Variants in DAB1 observed in about 807,000 individuals in gnomAD.
The protein encoded by DAB1 is disabled homolog 1.
In DAB1, 15 loss-of-function variants were observed where a neutral mutation model predicts 64.6. The observed-to-expected ratio is 0.23, with a 90% confidence interval of 0.16 to 0.36. DAB1 has a LOEUF of 0.36. Ranked by LOEUF, DAB1 falls within the 10% of genes least tolerant of loss-of-function variation. The pLI is 1.00. For missense variants in DAB1, 596 were observed against 706.7 expected (o/e 0.84, Z 1.78); for synonymous variants, 235 against 251.9 (o/e 0.93, Z 0.64).
chr1:57,946,502 G>A (rs1215320461), intron 5 of DAB1, among the ~76,000 whole-genome samples: 1 of 152,230 alleles, frequency 6.6e-6, no homozygotes, highest in African/African-American at 2.4e-5. Flanking sequence ...CTGTGTGTTA[G>A]GGAGTTGACA....
intron 7 of DAB1, chr1:57,605,771 T>C: frequency 2.8e-6 from 1 of 359,160 alleles, no homozygotes; most frequent in Non-Finnish European, 5.3e-6. Flanking sequence ...ATTGATGGCC[T>C]TGGGTACCAT....
intron 6 of DAB1, among the ~76,000 whole-genome samples, chr1:57,666,779 G>C (rs1646452589): frequency 6.7e-6 from 1 of 150,056 alleles, no homozygotes; most frequent in African/African-American, 2.5e-5. Flanking sequence ...GTGCTTAGCA[G>C]TTTCCTGCAA....
chr1:57,375,509 T>C (rs1680823117), intron 1 of DAB1, among the ~76,000 whole-genome samples: 1 of 152,180 alleles, frequency 6.6e-6, no homozygotes, highest in Non-Finnish European at 1.5e-5. Flanking sequence ...TTTACGTAGA[T>C]TAAAGTAAAT....
At chr1:58,288,698 C>T (rs1661748659) in intron 4 of DAB1, among the ~76,000 whole-genome samples, 1 of 152,096 alleles carries the variant, frequency 6.6e-6, no homozygotes, top group African/African-American at 2.4e-5. Flanking sequence ...TTCATAAGCC[C>T]CTCCTTTGAC....
chr1:57,744,550 T>G (rs1648170947), intron 6 of DAB1, among the ~76,000 whole-genome samples: 1 of 152,070 alleles, frequency 6.6e-6, no homozygotes, highest in Non-Finnish European at 1.5e-5. Context: ...TACTTGTAAT[T>G]TAAGGATCAG....
At chr1:58,529,552 T>C (rs912929260) in intron 1 of DAB1, among the ~76,000 whole-genome samples, 21 of 152,168 alleles carry the variant, frequency 1.4e-4, no homozygotes, top group Non-Finnish European at 2.5e-4. Flanking sequence ...TTCAAAGCAA[T>C]GATATTTTAA....
At position 57,449,268 on chromosome 1, in the gene DAB1, T is replaced by C. The variant is rs146838505; in HGVS notation, n.626-158102A>G. On this transcript the variant is annotated intron_variant and non_coding_transcript_variant, in intron 7 of 20. Coordinates refer to the DAB1 transcript ENST00000485760. ...ATTATAAAAACATGCAAATATGACA[T>C]TGAAATAGTGACAAAAAACAAAGAA... Among the ~76,000 whole-genome samples the C allele has an allele frequency of 2.6e-5, 4 of 152,222 alleles. No individual in the cohort carries two copies. The East Asian group carries it at 7.7e-4, about 29-fold the overall frequency.
intron 2 of DAB1, among the ~76,000 whole-genome samples, chr1:57,213,678 G>A (rs1420895524): frequency 6.6e-6 from 1 of 152,172 alleles, no homozygotes. Context: ...GCACAACAAA[G>A]TTTGGGTAGC....
intron 3 of DAB1, among the ~76,000 whole-genome samples, chr1:57,140,893 G>C (rs1658530266): frequency 6.6e-6 from 1 of 152,188 alleles, no homozygotes; most frequent in Non-Finnish European, 1.5e-5. Context: ...GTCACAGGCT[G>C]CCCTGTTCAG....
At chr1:58,227,297 C>T (rs1570511199) in intron 4 of DAB1, among the ~76,000 whole-genome samples, 1 of 152,098 alleles carries the variant, frequency 6.6e-6, no homozygotes, top group Non-Finnish European at 1.5e-5. Flanking sequence ...GGAGAGGTTG[C>T]AAAATGCTGG....
chr1:57,234,626 A>T (rs555044092), intron 2 of DAB1, among the ~76,000 whole-genome samples: 11 of 152,288 alleles, frequency 7.2e-5, no homozygotes, highest in Admixed American at 1.3e-4. Context: ...ACACCCATTT[A>T]TTGTTTCATA....
At chr1:57,280,320 C>T (rs868000732) in intron 2 of DAB1, among the ~76,000 whole-genome samples, 2 of 152,162 alleles carry the variant, frequency 1.3e-5, no homozygotes, top group Non-Finnish European at 2.9e-5. Flanking sequence ...TGCAGAAACA[C>T]TCAGCCTTGC....
chr1:58,489,316 G>T (rs1405773833), intron 3 of DAB1, among the ~76,000 whole-genome samples: 1 of 152,196 alleles, frequency 6.6e-6, no homozygotes, highest in Non-Finnish European at 1.5e-5. Context: ...GGCTCAAAGG[G>T]TCCTACGCCC....
intron 1 of DAB1, among the ~76,000 whole-genome samples, chr1:57,837,823 C>T (rs1220248217): frequency 1.4e-5 from 2 of 138,232 alleles, no homozygotes; most frequent in South Asian, 2.6e-4. Context: ...TCCACCACTA[C>T]CTCCGCCCCC....
intron 4 of DAB1, among the ~76,000 whole-genome samples, chr1:58,280,466 G>C (rs2100438720): frequency 6.6e-6 from 1 of 152,284 alleles, no homozygotes; most frequent in Non-Finnish European, 1.5e-5. Context: ...GAGTTTCTTT[G>C]TGTGTAAAAT....
At chr1:57,993,696 TC>T (rs1557600858) in intron 5 of DAB1, among the ~76,000 whole-genome samples, 1 of 151,642 alleles carries the variant, frequency 6.6e-6, no homozygotes, top group African/African-American at 2.4e-5. Flanking sequence ...GTAGGGGGAG[TC>T]CACAAGTCTT....
At chr1:58,242,055 A>AT (rs1660320362) in intron 4 of DAB1, among the ~76,000 whole-genome samples, 1 of 152,126 alleles carries the variant, frequency 6.6e-6, no homozygotes, top group Non-Finnish European at 1.5e-5. Context: ...AAATTACTGA[A>AT]TAAAAATCAA....
chr1:57,996,641 G>A (rs946134362), intron 5 of DAB1, among the ~76,000 whole-genome samples: 2 of 152,166 alleles, frequency 1.3e-5, no homozygotes, highest in African/African-American at 2.4e-5. Context: ...GCAGAAGGGT[G>A]GAAAAGTGTA....
chr1:57,611,218 G>T (rs1645722704), intron 7 of DAB1, among the ~76,000 whole-genome samples: 1 of 149,080 alleles, frequency 6.7e-6, no homozygotes, highest in Non-Finnish European at 1.5e-5. Flanking sequence ...AGGTCTCCAG[G>T]TAGACTCCAA....
Sources: gnomAD v4.1 joint callset for allele counts (sites outside exome capture counted in the v4.1 genomes callset) on GRCh38, gnomAD v4.1.1 for gene constraint, MANE v1.5 for transcripts, NCBI Gene and HGNC (gene_info 2026-07-23, HGNC 2026-07-21) for gene names.